The following WDFY4 variants were observed in gnomAD, a reference collection of about 807,000 sequenced individuals.
WDFY4 encodes WD repeat- and FYVE domain-containing protein 4.
WDFY4 carries 169 observed loss-of-function variants against 351.9 expected under a neutral mutation model. The observed-to-expected ratio is 0.48, with a 90% CI of 0.42 to 0.55. WDFY4 has a LOEUF of 0.55. Among genes scored for constraint, WDFY4 ranks in the 20% least tolerant of loss-of-function variants. WDFY4 has a pLI of 0.00. For synonymous variants in WDFY4, 1,622 were observed against 1,574.6 expected, an observed-to-expected ratio of 1.03 and a Z score of -0.71; for missense variants, 3,803 against 3,935.6, an observed-to-expected ratio of 0.97 and a Z score of 0.90.
chr10:48,974,608 G>T (rs1294336218), intron 57 of WDFY4, among the ~76,000 whole-genome samples: 2 of 150,474 alleles, frequency 1.3e-5, no homozygotes, highest in Non-Finnish European at 2.9e-5. Flanking sequence ...CTAGCCTCTG[G>T]TTGGGTTATA....
chr10:48,716,951 C>T (rs1285661482), intron 2 of WDFY4, among the ~76,000 whole-genome samples: 1 of 152,236 alleles, frequency 6.6e-6, no homozygotes, highest in Non-Finnish European at 1.5e-5. Flanking sequence ...TGGCAGTTGG[C>T]TTGCAGGTGG....
chr10:48,707,756 A>T (rs886408705), intron 1 of WDFY4, among the ~76,000 whole-genome samples: 2 of 152,182 alleles, frequency 1.3e-5, no homozygotes, highest in Admixed American at 1.3e-4. Context: ...ATGCTGGTGG[A>T]ATCATACTCA....
chr10:48,691,595 C>A (rs1486948930), intron 1 of WDFY4, among the ~76,000 whole-genome samples: 2 of 152,174 alleles, frequency 1.3e-5, no homozygotes, highest in African/African-American at 4.8e-5. Context: ...TGGCAGTGGC[C>A]GTACCAGACT....
At chr10:48,751,588 G>A (rs1238138019) in intron 12 of WDFY4, among the ~76,000 whole-genome samples, 1 of 152,178 alleles carries the variant, frequency 6.6e-6, no homozygotes, top group Non-Finnish European at 1.5e-5. Context: ...CCCTGAGAGA[G>A]AAGCCCTAGA....
intron 56 of WDFY4, 138 bp from the exon 57 acceptor site, chr10:48,969,993 C>A: frequency 9.2e-7 from 1 of 1,089,660 alleles, no homozygotes; most frequent in Non-Finnish European, 1.3e-6. Flanking sequence ...ATTTTGTCAC[C>A]AAGAACTGGC....
chr10:48,873,461 A>G (rs1204746251), intron 40 of WDFY4, 30 bp from the exon 41 acceptor site: 4 of 1,522,312 alleles, frequency 2.6e-6, no homozygotes, highest in Non-Finnish European at 3.5e-6. Flanking sequence ...AGGCAAATGT[A>G]TCCAGGGTGA....
In WDFY4 at chr10:48,820,454, G is replaced by T. The variant is rs1193381017; in HGVS notation, c.5709+17G>T. Reference sequence around the variant, plus strand: ...CTCCTGGAGGTGGGTTGGAAAAGGTGACATTGGGCCATGTGCTGTGGAGGC... The same window carrying T: ...CTCCTGGAGGTGGGTTGGAAAAGGTTACATTGGGCCATGTGCTGTGGAGGC... On this transcript the variant is annotated intron_variant, in intron 33 of 61. Transcript: ENST00000325239. 1.9e-6 allele frequency: 3 copies of T among 1,550,146 alleles called. No individual in the cohort carries two copies. The highest frequency in any genetic ancestry group is 4.9e-5 in the East Asian group (2 of 40,878).
At position 48,913,642 on chromosome 10, in the gene WDFY4, G is replaced by C. The variant is rs774315331; in HGVS notation, c.7586+11779G>C. On this transcript the variant is annotated intron_variant, in intron 47 of 61. Transcript: ENST00000325239. ...GGAAAGGGGTTCCGCTTTATGTTGA[G>C]CTTTTTCAGCTTGGGGAGCTTGGAG... 5 of 1,613,800 alleles carry C rather than the reference G, an allele frequency of 3.1e-6. No individual in the cohort carries two copies. The highest frequency in any genetic ancestry group is 4.2e-6 in the Non-Finnish European group (5 of 1,179,898).
chr10:48,839,861 C>T (rs1279545117), intron 39 of WDFY4, among the ~76,000 whole-genome samples: 3 of 152,230 alleles, frequency 2.0e-5, no homozygotes, highest in Non-Finnish European at 2.9e-5. Context: ...GCTCTACTGG[C>T]GTGAGCCATG....
intron 3 of WDFY4, among the ~76,000 whole-genome samples, chr10:48,720,552 A>G (rs1191543945): frequency 6.6e-6 from 1 of 151,880 alleles, no homozygotes; most frequent in African/African-American, 2.4e-5. Flanking sequence ...CTACTCACAG[A>G]AACTACACAC....
chr10:48,822,246 C>T, intron 34 of WDFY4, 134 bp from the exon 35 acceptor site: 2 of 999,922 alleles, frequency 2.0e-6, no homozygotes, highest in Non-Finnish European at 1.4e-6. Context: ...CTCGTCAGTA[C>T]AAGACTCCAT....
chr10:48,909,228 C>T (rs1399271213), intron 47 of WDFY4, among the ~76,000 whole-genome samples: 1 of 152,178 alleles, frequency 6.6e-6, no homozygotes, highest in Non-Finnish European at 1.5e-5. Context: ...AGATTGTTTA[C>T]ATTTATTACA....
chr10:48,801,558 T>A (rs1446905616), intron 24 of WDFY4: 1 of 455,566 alleles, frequency 2.2e-6, no homozygotes, highest in East Asian at 7.0e-5. Flanking sequence ...AGAGCTGCCT[T>A]CATCAATACC....
Position 48,901,133 on chromosome 10 carries a change from G to A in WDFY4, c.7524-668G>A, listed in dbSNP as rs113827463. Among the ~76,000 whole-genome samples the A allele has an allele frequency of 2.4e-4, 37 of 152,334 alleles. 1 individual carries two copies. The highest frequency in any genetic ancestry group is 8.7e-4 in the African/African-American group (36 of 41,584). The stretch of plus-strand genomic sequence containing the variant: ...GCATCCAAGAGGCAGGGCCAGGGTG[G>A]AGAAAAACAACTGTAGAGAGGCTTT... On this transcript the variant is annotated intron_variant, in intron 46 of 61. Coordinates refer to ENST00000325239, the MANE Select transcript of WDFY4 (RefSeq NM_001394531.1).
At chr10:48,976,546 A>T in intron 58 of WDFY4, 1 of 284,388 alleles carries the variant, frequency 3.5e-6, no homozygotes, top group Non-Finnish European at 6.5e-6. Context: ...CCTGAGGGTG[A>T]GCCAGGTGCC....
chr10:48,840,258 G>T (rs2068550149), intron 39 of WDFY4, among the ~76,000 whole-genome samples: 2 of 152,132 alleles, frequency 1.3e-5, no homozygotes, highest in African/African-American at 4.8e-5. Context: ...TCCCCAGAGG[G>T]ACAGAGTCTG....
intron 51 of WDFY4, among the ~76,000 whole-genome samples, chr10:48,954,782 A>G (rs1006922949): frequency 5.3e-5 from 8 of 152,242 alleles, no homozygotes; most frequent in African/African-American, 1.9e-4. Flanking sequence ...AAACAAATGT[A>G]TGCAAATACA....
intron 59 of WDFY4, chr10:48,977,181 C>A: frequency 2.7e-6 from 1 of 376,744 alleles, no homozygotes; most frequent in Non-Finnish European, 4.6e-6. Flanking sequence ...GTATTACACA[C>A]ACAGACACAC....
In WDFY4 at chr10:48,969,128, T is replaced by C; in HGVS notation, c.8649T>C (p.Thr2883=). 6.4e-7 allele frequency: 1 copy of C among 1,551,782 alleles called. No individual in the cohort carries two copies. The highest frequency in any genetic ancestry group is 8.7e-7 in the Non-Finnish European group (1 of 1,146,980). ...GGGCCATTGGCCACATTGTCTCTAC[T>C]GAGAAGACCATTCTGGCTGTAGAGA... ...PKGAIGHIVS[T]EKTILAVERN... The change falls in exon 56 of 62, where the codon ACT becomes ACC. Residue 2883 remains threonine (T), a synonymous_variant. Transcript: ENST00000325239.
Sources: allele counts gnomAD v4.1 joint callset (sites outside exome capture counted in the v4.1 genomes callset), GRCh38; gene constraint gnomAD v4.1.1; transcripts MANE v1.5; gene names NCBI Gene and HGNC (gene_info 2026-07-23, HGNC 2026-07-21).